CYB5R4: variants seen among roughly 807,000 people sequenced by gnomAD.
CYB5R4 encodes the protein N-terminal cytochrome b5 and cytochrome b5 oxidoreductase domain-containing protein.
A neutral mutation model predicts 70.2 loss-of-function variants in CYB5R4; 55 were observed. The observed-to-expected ratio is 0.78, with a 90% CI of 0.63 to 0.98. The LOEUF (loss-of-function observed/expected upper bound fraction) is 0.98, where lower values mean the gene tolerates loss of function less well. CYB5R4 is among the 50% of genes least tolerant of loss of function. The pLI is 0.00. For synonymous variants in CYB5R4, 197 were observed against 199.5 expected (o/e 0.99, Z 0.11); for missense variants, 562 against 612.6 (o/e 0.92, Z 0.87).
Position 83,934,740 on chromosome 6 carries a change from G to A in CYB5R4, c.955+5G>A. ...ACCTCAAGCTACCTATTACAGGTAA[G>A]GTGAATAGAGGCTTTGGGACACAAT... is the stretch of plus-strand genomic sequence containing the variant. On this transcript the variant is annotated splice_donor_5th_base_variant and intron_variant, in intron 11 of 15. Transcript: ENST00000369681. The A allele has an allele frequency of 1.9e-6, 3 of 1,605,908 alleles. No homozygotes were observed. The East Asian group carries it at 6.7e-5, about 36-fold the overall frequency.
In CYB5R4 at chr6:83,905,203, C is replaced by T. The variant is rs572298279; in HGVS notation, c.331-3806C>T. 4.6e-5 allele frequency among the ~76,000 whole-genome samples: 7 copies of T among 152,228 alleles called. No individual in the cohort carries two copies. The South Asian group carries it at 1.5e-3, about 32-fold the overall frequency. On this transcript the variant is annotated intron_variant, in intron 3 of 15. Coordinates refer to ENST00000369681, the MANE Select transcript of CYB5R4 (RefSeq NM_016230.4). ...CCAAGTAGCTGGGACTACAGGCACG[C>T]GCCTCCACACCTGGCTAATTTTTTT...
chr6:83,882,919 A>T (rs148911129), intron 2 of CYB5R4, among the ~76,000 whole-genome samples: 159 of 152,342 alleles, frequency 1.0e-3, no homozygotes, highest in African/African-American at 3.7e-3. Flanking sequence ...GGTTGCAGTG[A>T]GCCGAGATTG....
At chr6:83,942,421 G>A (rs1252883304) in intron 14 of CYB5R4, among the ~76,000 whole-genome samples, 1 of 152,228 alleles carries the variant, frequency 6.6e-6, no homozygotes, top group South Asian at 2.1e-4. Context: ...GAGTGACTGT[G>A]CTATCCAGCC....
intron 2 of CYB5R4, among the ~76,000 whole-genome samples, chr6:83,892,545 TTGAGA>T (rs1172810081): frequency 6.6e-6 from 1 of 152,212 alleles, no homozygotes. Flanking sequence ...GAGCTGTGCA[TTGAGA>T]TATTTTGTGT....
At chr6:83,934,843 C>A in intron 11 of CYB5R4, 108 bp downstream of exon 11, 1 of 1,042,658 alleles carries the variant, frequency 9.6e-7, no homozygotes, top group South Asian at 1.9e-5. Flanking sequence ...TAAATGTTTC[C>A]AGGCAGCTAG....
In CYB5R4 at chr6:83,905,444, G is replaced by T. The variant is rs144442582; in HGVS notation, c.331-3565G>T. 8.3e-4 allele frequency among the ~76,000 whole-genome samples: 126 copies of T among 152,234 alleles called. No homozygotes were observed. The East Asian group carries it at 0.021, about 26-fold the overall frequency. On this transcript the variant is annotated intron_variant, in intron 3 of 15. Coordinates refer to ENST00000369681, the MANE Select transcript of CYB5R4 (RefSeq NM_016230.4). ...TAGGACACTTCGGCTTTGATCCTGG[G>T]TGTGTGCAGTAGTGTAGTCTCTATA... is the stretch of plus-strand genomic sequence containing the variant.
chr6:83,877,930 T>G (rs1428533401), intron 2 of CYB5R4, among the ~76,000 whole-genome samples: 8 of 152,248 alleles, frequency 5.3e-5, no homozygotes, highest in Non-Finnish European at 1.2e-4. Flanking sequence ...CTTTTGCATC[T>G]TCCTCTGGGA....
At chr6:83,919,496 T>C (rs2099466025) in intron 7 of CYB5R4, 42 bp downstream of exon 7, 1 of 1,044,566 alleles carries the variant, frequency 9.6e-7, no homozygotes, top group Non-Finnish European at 1.4e-6. Flanking sequence ...AAATAATAAA[T>C]GTTAATTTAT....
intron 1 of CYB5R4, among the ~76,000 whole-genome samples, chr6:83,863,566 T>G (rs931051501): frequency 3.9e-5 from 6 of 152,186 alleles, no homozygotes; most frequent in African/African-American, 1.4e-4. Flanking sequence ...ACTGGTTAAC[T>G]GTAACATATT....
chr6:83,916,124 CTAAA>C (rs1340775689), intron 5 of CYB5R4, among the ~76,000 whole-genome samples: 1 of 151,692 alleles, frequency 6.6e-6, no homozygotes, highest in Non-Finnish European at 1.5e-5. Context: ...CTTAATTATA[CTAAA>C]TAGTTTTTTA....
At chr6:83,866,615 GT>G (rs879827246) in intron 2 of CYB5R4, among the ~76,000 whole-genome samples, 31 of 142,322 alleles carry the variant, frequency 2.2e-4, no homozygotes, top group African/African-American at 3.3e-4. Context: ...ATCATGGTTT[GT>G]TTTTTTTTTT....
At chr6:83,914,323 A>G in intron 4 of CYB5R4, 93 bp from the exon 5 acceptor site, 1 of 1,334,178 alleles carries the variant, frequency 7.5e-7, no homozygotes, top group Non-Finnish European at 1.0e-6. Context: ...TCAAAAAAGA[A>G]GGGATGTTAT....
At chr6:83,903,010 T>G (rs2099463238) in intron 3 of CYB5R4, among the ~76,000 whole-genome samples, 2 of 152,118 alleles carry the variant, frequency 1.3e-5, no homozygotes, top group African/African-American at 4.8e-5. Context: ...TGGATGCTTT[T>G]TATTTCTTTC....
At chr6:83,921,774 T>A (rs1017129559) in intron 8 of CYB5R4, among the ~76,000 whole-genome samples, 2 of 152,218 alleles carry the variant, frequency 1.3e-5, no homozygotes, top group African/African-American at 4.8e-5. Flanking sequence ...AATATTGCAT[T>A]GGAATGACTG....
Position 83,961,784 on chromosome 6 carries a change from C to T in CYB5R4, c.*1906C>T, listed in dbSNP as rs1275397778. 6.6e-6 allele frequency: 1 copy of T among 151,974 alleles called. No individual in the cohort carries two copies. Among genetic ancestry groups the T allele is most frequent in the Non-Finnish European group, 1.5e-5 (1 of 67,974 alleles). 9.4% of individuals were successfully genotyped at this position (151,974 alleles called of 1,614,324 possible). ...CATCTTTCTCATCTTTTCTAAGCCT[C>T]TTCTTTTTTCTCTCTCCTTTCCCAA... On this transcript the variant is annotated 3_prime_UTR_variant, in exon 16 of 16. Transcript: ENST00000369681.
At chr6:83,937,646 A>G (rs993470363) in intron 12 of CYB5R4, among the ~76,000 whole-genome samples, 5 of 152,122 alleles carry the variant, frequency 3.3e-5, no homozygotes, top group Non-Finnish European at 5.9e-5. Context: ...CAGCCTCCCA[A>G]GTAGCTGGGA....
intron 5 of CYB5R4, among the ~76,000 whole-genome samples, 183 bp downstream of exon 5, chr6:83,914,631 G>A (rs1352008674): frequency 1.3e-5 from 2 of 151,842 alleles, no homozygotes; most frequent in African/African-American, 2.4e-5. Context: ...TCCACCTCCC[G>A]GGTTCAAGCA....
At chr6:83,868,313 G>T (rs1055670984) in intron 2 of CYB5R4, among the ~76,000 whole-genome samples, 6 of 152,082 alleles carry the variant, frequency 3.9e-5, no homozygotes, top group African/African-American at 1.2e-4. Context: ...ATACAATTTG[G>T]TATGGGTTTT....
chr6:83,866,156 C>CA (rs543735907), intron 2 of CYB5R4, among the ~76,000 whole-genome samples: 48 of 152,226 alleles, frequency 3.2e-4, no homozygotes, highest in Non-Finnish European at 6.5e-4. Context: ...ACTAGGAAAC[C>CA]ACTTTAGAAA....
Sources: allele counts gnomAD v4.1 joint callset (sites outside exome capture counted in the v4.1 genomes callset), GRCh38; gene constraint gnomAD v4.1.1; transcripts MANE v1.5; gene names NCBI Gene and HGNC (gene_info 2026-07-23, HGNC 2026-07-21).